NR5A2: variants seen among roughly 807,000 people sequenced by gnomAD.
NR5A2 encodes the protein nuclear receptor subfamily 5 group A member 2.
NR5A2 carries 26 observed loss-of-function variants against 62.7 expected under a neutral mutation model. That is an observed-to-expected ratio of 0.41 (90% CI 0.30 to 0.58). The LOEUF (loss-of-function observed/expected upper bound fraction) is 0.58, where lower values mean the gene tolerates loss of function less well. Among genes scored for constraint, NR5A2 ranks in the 20% least tolerant of loss-of-function variants. The probability of loss-of-function intolerance (pLI) is 0.22; values close to 1 mark genes in which losing one functional copy is unlikely to be tolerated. For synonymous variants in NR5A2, 246 were observed against 241.7 expected (o/e 1.02, Z -0.16); for missense variants, 541 against 669.1 (o/e 0.81, Z 2.11).
intron 5 of NR5A2, among the ~76,000 whole-genome samples, chr1:200,053,083 C>CA (rs34601857): frequency 2.6e-5 from 4 of 151,222 alleles, no homozygotes; most frequent in Non-Finnish European, 4.4e-5. Context: ...CTACAAGGTG[C>CA]AAAAAAAGGT....
chr1:200,142,596 A>T (rs1234704600), intron 7 of NR5A2, among the ~76,000 whole-genome samples: 1 of 152,066 alleles, frequency 6.6e-6, no homozygotes. Context: ...TGGCATGATC[A>T]TGGCTCACTG....
chr1:200,147,716 C>G lies in NR5A2; in HGVS notation c.1379-26247C>G, dbSNP rs1213207171. 3.2e-6 allele frequency: 2 copies of G among 634,752 alleles called. No homozygotes were observed. The highest frequency in any genetic ancestry group is 6.6e-5 in the East Asian group (2 of 30,386). The allele number at this position is 634,752 out of a possible 1,614,324, so 39.3% of individuals were successfully genotyped here. Reference sequence around the variant, plus strand: ...TCCGAGGCGATCTCCTCCAGCTCCTCCCTGAGCGCCTCTCCCACGTCCACG... The same window carrying G: ...TCCGAGGCGATCTCCTCCAGCTCCTGCCTGAGCGCCTCTCCCACGTCCACG... On this transcript the variant is annotated intron_variant, in intron 7 of 7. Coordinates refer to ENST00000367362, the MANE Select transcript of NR5A2 (RefSeq NM_205860.3). The surrounding 1 kb of genome is among the most constrained non-coding windows in gnomAD (Gnocchi z 4.9).
At chr1:200,077,045 C>T (rs1321596125) in intron 5 of NR5A2, among the ~76,000 whole-genome samples, 2 of 152,166 alleles carry the variant, frequency 1.3e-5, no homozygotes, top group African/African-American at 4.8e-5. Context: ...ACCTAACAAG[C>T]GTTTAAGGCA....
intron 5 of NR5A2, among the ~76,000 whole-genome samples, chr1:200,050,215 A>T (rs1288731604): frequency 6.6e-6 from 1 of 152,224 alleles, no homozygotes; most frequent in Non-Finnish European, 1.5e-5. Flanking sequence ...AACCATGCAA[A>T]CACTTTCCTG....
Position 200,111,280 on chromosome 1 carries a change from C to T in NR5A2, c.1189C>T (p.His397Tyr), listed in dbSNP as rs1571496622. The T allele has an allele frequency of 1.2e-6, 2 of 1,600,840 alleles. No individual in the cohort carries two copies. The highest frequency in any genetic ancestry group is 1.1e-5 in the South Asian group (1 of 90,592). Residue 397 changes from histidine (H) to tyrosine (Y), a missense_variant, in exon 6 of 8, where the codon CAT becomes TAT. Physicochemically the swap from His to Tyr is moderately conservative, Grantham distance 83. Around this residue, in one of 3 missense-constraint regions of NR5A2, gnomAD observed 379 missense variants for 442.0 expected, o/e 0.86. Transcript: ENST00000367362. The stretch of plus-strand genomic sequence containing the variant: ...CGACCACATTTACCGACAAGTGGTA[C>T]ATGGAAAGGAAGGATCCATCTTCCT... ...ILDHIYRQVV[H>Y]GKEGSIFLVT...
intron 7 of NR5A2, among the ~76,000 whole-genome samples, chr1:200,126,125 G>A (rs1362101740): frequency 6.6e-6 from 1 of 152,128 alleles, no homozygotes; most frequent in Non-Finnish European, 1.5e-5. Context: ...TGGGATTGCA[G>A]CCATGAGTCA....
chr1:200,095,341 C>T (rs912142984), intron 5 of NR5A2, among the ~76,000 whole-genome samples: 1 of 152,052 alleles, frequency 6.6e-6, no homozygotes, highest in African/African-American at 2.4e-5. Context: ...GTTTGAACTG[C>T]TGTGTTCAGC....
At chr1:200,076,981 TTAGG>T (rs1664070268) in intron 5 of NR5A2, among the ~76,000 whole-genome samples, 1 of 152,202 alleles carries the variant, frequency 6.6e-6, no homozygotes, top group South Asian at 2.1e-4. Context: ...TACTTAAAAG[TTAGG>T]TAGACCATGT....
At chr1:200,059,987 A>C (rs1162244868) in intron 5 of NR5A2, among the ~76,000 whole-genome samples, 1 of 152,172 alleles carries the variant, frequency 6.6e-6, no homozygotes, top group East Asian at 1.9e-4. Context: ...TATTTCTTGA[A>C]TATCTGATAC....
chr1:200,091,386 T>C (rs1489912759), intron 5 of NR5A2, among the ~76,000 whole-genome samples: 1 of 151,926 alleles, frequency 6.6e-6, no homozygotes, highest in Non-Finnish European at 1.5e-5. Context: ...GGGGTTTAGT[T>C]ATTTGCCCGA....
intron 5 of NR5A2, among the ~76,000 whole-genome samples, chr1:200,077,998 C>G (rs1233463734): frequency 1.3e-5 from 2 of 152,144 alleles, no homozygotes; most frequent in African/African-American, 4.8e-5. Flanking sequence ...TTCATGGACT[C>G]ATTGAAGCCT....
intron 1 of NR5A2, among the ~76,000 whole-genome samples, chr1:200,037,089 G>T (rs3790847): frequency 0.28 from 41,849 of 152,062 alleles, 7,177 homozygotes; most frequent in East Asian, 0.7. Context: ...GGGATGTGGT[G>T]GGAGGGTAGA....
rs1384761489 is a variant in NR5A2, at chr1:200,039,138, A to AAGAGAGAGGC, written c.65-511_65-502dup. ...CAACTCCACACTTGCGATAGTGAGCAAGAGAGAGGCAGAGAGAGATAGGGG... is the reference window on the plus strand; with the variant it reads ...CAACTCCACACTTGCGATAGTGAGCAAGAGAGAGGCAGAGAGAGGCAGAGAGAGATAGGGG... On this transcript the variant is annotated intron_variant, in intron 1 of 7. Transcript: ENST00000367362. The surrounding 1 kb of genome is among the most constrained non-coding windows in gnomAD (Gnocchi z 5.1). Among the ~76,000 whole-genome samples, 2 of 152,034 alleles carry AAGAGAGAGGC rather than the reference A, an allele frequency of 1.3e-5. No homozygotes were observed. Among genetic ancestry groups the AAGAGAGAGGC allele is most frequent in the African/African-American group, 4.8e-5 (2 of 41,404 alleles).
chr1:200,148,170 T>C, intron 7 of NR5A2: 1 of 363,358 alleles, frequency 2.8e-6, no homozygotes, highest in Non-Finnish European at 4.5e-6. Context: ...GACCAGATTG[T>C]AGTGGACGCT....
chr1:200,063,446 C>A (rs1394008523), intron 5 of NR5A2, among the ~76,000 whole-genome samples: 8 of 152,190 alleles, frequency 5.3e-5, no homozygotes, highest in Non-Finnish European at 1.2e-4. Context: ...GTGTGAGCCA[C>A]CCCGCCCGGC....
chr1:200,156,697 C>T (rs1257848917), intron 7 of NR5A2, among the ~76,000 whole-genome samples: 2 of 152,038 alleles, frequency 1.3e-5, no homozygotes, highest in Non-Finnish European at 2.9e-5. Flanking sequence ...GCACCTGGCC[C>T]ATTCTGTTTT....
intron 1 of NR5A2, among the ~76,000 whole-genome samples, chr1:200,038,507 G>T (rs1450930234): frequency 1.3e-5 from 2 of 152,216 alleles, no homozygotes; most frequent in Admixed American, 6.5e-5. Flanking sequence ...CCTCTTCAGG[G>T]TCTCAGTGCC....
At chr1:200,139,925 C>T (rs927720285) in intron 7 of NR5A2, among the ~76,000 whole-genome samples, 6 of 152,304 alleles carry the variant, frequency 3.9e-5, no homozygotes, top group Admixed American at 2.0e-4. Context: ...GGTAGCCCTA[C>T]GTCCAGTGCT....
At chr1:200,090,547 C>T (rs555102770) in intron 5 of NR5A2, among the ~76,000 whole-genome samples, 150 of 152,306 alleles carry the variant, frequency 9.8e-4, no homozygotes, top group Middle Eastern at 6.8e-3. Context: ...GGACCATACT[C>T]GTAAAGCCAC....
Sources: gnomAD v4.1 joint callset for allele counts (sites outside exome capture counted in the v4.1 genomes callset) on GRCh38, gnomAD v4.1.1 for gene constraint, gnomAD v4.1.1 regional missense constraint, Gnocchi (gnomAD v3.1) non-coding constraint, MANE v1.5 for transcripts, NCBI Gene and HGNC (gene_info 2026-07-23, HGNC 2026-07-21) for gene names.